The following TLN2 variants were observed in gnomAD, a reference collection of about 807,000 sequenced individuals.
The protein encoded by TLN2 is talin-2.
Under a neutral mutation model 294.7 loss-of-function variants are expected in TLN2, and 118 were observed. The observed-to-expected ratio is 0.40, with a 90% CI of 0.34 to 0.47. The LOEUF is 0.47. Among genes scored for constraint, TLN2 ranks in the 20% least tolerant of loss-of-function variants. TLN2 has a pLI of 0.84. For missense variants in TLN2, 3,083 were observed against 3,282.2 expected (o/e 0.94, Z 1.48); for synonymous variants, 1,431 against 1,304.5 (o/e 1.10, Z -2.09).
At chr15:62,517,468 G>A (rs1489518539) in intron 1 of TLN2, among the ~76,000 whole-genome samples, 3 of 152,252 alleles carry the variant, frequency 2.0e-5, no homozygotes, top group African/African-American at 7.2e-5. Flanking sequence ...TTGCTTGGGG[G>A]CCATGGTGGT....
chr15:62,683,699 A>G (rs916955910), intron 11 of TLN2, among the ~76,000 whole-genome samples: 1 of 152,238 alleles, frequency 6.6e-6, no homozygotes, highest in African/African-American at 2.4e-5. Flanking sequence ...AATCACAGCT[A>G]CAGCTCTTTG....
intron 9 of TLN2, among the ~76,000 whole-genome samples, chr15:62,665,915 G>A (rs1444202959): frequency 6.6e-6 from 1 of 152,160 alleles, no homozygotes; most frequent in Non-Finnish European, 1.5e-5. Flanking sequence ...AGCCACTTGC[G>A]TACTTCCTCC....
chr15:62,520,426 G>A (rs1596000369), intron 1 of TLN2, among the ~76,000 whole-genome samples: 1 of 152,218 alleles, frequency 6.6e-6, no homozygotes, highest in Admixed American at 6.5e-5. Flanking sequence ...ACAGAGCTGA[G>A]TAATGTCTAC....
chr15:62,680,279 T>G (rs940366560), intron 11 of TLN2, among the ~76,000 whole-genome samples: 4 of 152,214 alleles, frequency 2.6e-5, no homozygotes, highest in African/African-American at 9.6e-5. Flanking sequence ...ATTTTTATTC[T>G]GTTAAGTCTT....
intron 37 of TLN2, among the ~76,000 whole-genome samples, chr15:62,759,181 T>C (rs1324196759): frequency 1.3e-5 from 2 of 152,208 alleles, no homozygotes; most frequent in Admixed American, 1.3e-4. Context: ...CAGCTTTGAG[T>C]ATTCAGTTTA....
At chr15:62,580,291 A>G in intron 1 of TLN2, among the ~76,000 whole-genome samples, 1 of 152,174 alleles carries the variant, frequency 6.6e-6, no homozygotes, top group East Asian at 1.9e-4. Context: ...CCCATTACCA[A>G]CATCCCATGC....
At chr15:62,580,448 T>A (rs2044854532) in intron 1 of TLN2, among the ~76,000 whole-genome samples, 1 of 131,064 alleles carries the variant, frequency 7.6e-6, no homozygotes, top group Admixed American at 7.5e-5. Context: ...TCTTGCTCTG[T>A]TGCTCAGGCT....
intron 2 of TLN2, among the ~76,000 whole-genome samples, chr15:62,611,586 G>A (rs1265534384): frequency 6.6e-6 from 1 of 152,192 alleles, no homozygotes; most frequent in Non-Finnish European, 1.5e-5. Context: ...TCCTTTTCCT[G>A]TAGTACCTCT....
chr15:62,538,746 A>G (rs1038075609), intron 1 of TLN2, among the ~76,000 whole-genome samples: 2 of 152,220 alleles, frequency 1.3e-5, no homozygotes, highest in Non-Finnish European at 2.9e-5. Flanking sequence ...AAGGAAGTAT[A>G]TATCCACTTG....
intron 14 of TLN2, 85 bp from the exon 15 acceptor site, chr15:62,697,603 G>C: frequency 1.4e-6 from 2 of 1,449,860 alleles, no homozygotes; most frequent in Non-Finnish European, 9.3e-7. Flanking sequence ...ATAAAGCAGG[G>C]AACATACGTG....
chr15:62,702,666 G>A, intron 18 of TLN2, 100 bp from the exon 19 acceptor site: 1 of 1,198,298 alleles, frequency 8.3e-7, no homozygotes, highest in Non-Finnish European at 1.2e-6. Flanking sequence ...TCAGACAAAG[G>A]GAGCAAATTC....
At chr15:62,585,092 T>C (rs1300870397) in intron 1 of TLN2, among the ~76,000 whole-genome samples, 2 of 152,186 alleles carry the variant, frequency 1.3e-5, no homozygotes, top group Non-Finnish European at 2.9e-5. Flanking sequence ...ACAAATGGGT[T>C]CTTGGCTGCA....
chr15:62,541,714 G>T (rs777547369), intron 1 of TLN2, among the ~76,000 whole-genome samples: 3 of 152,020 alleles, frequency 2.0e-5, no homozygotes, highest in Admixed American at 2.0e-4. Flanking sequence ...GAAATGTTTT[G>T]TGACAATTCA....
In TLN2 at chr15:62,762,267, C is replaced by T. The variant is rs766779077; in HGVS notation, c.4780-5C>T. ...GACTTTGATTTCTCTGCTGTTTGGT[C>T]TCAGGGTTCCCAGGCACAGGAACCA... On this transcript the variant is annotated splice_polypyrimidine_tract_variant and splice_region_variant and intron_variant, in intron 38 of 58. Transcript: ENST00000636159. 1 of 1,614,034 alleles carries T rather than the reference C, an allele frequency of 6.2e-7. No individual in the cohort carries two copies. The highest frequency in any genetic ancestry group is 8.5e-7 in the Non-Finnish European group (1 of 1,179,938).
chr15:62,582,247 C>CACACACACACACA (rs1412650912), intron 1 of TLN2, among the ~76,000 whole-genome samples: 6 of 103,134 alleles, frequency 5.8e-5, no homozygotes, highest in African/African-American at 2.2e-4. Context: ...CACACACACA[C>CACACACACACACA]ATTCATGCCT....
At chr15:62,629,083 G>T (rs1327672651) in intron 3 of TLN2, among the ~76,000 whole-genome samples, 2 of 152,102 alleles carry the variant, frequency 1.3e-5, no homozygotes, top group Non-Finnish European at 2.9e-5. Flanking sequence ...TGTAGTCCCA[G>T]TTACTTGGGA....
intron 34 of TLN2, among the ~76,000 whole-genome samples, chr15:62,751,835 A>G (rs2061956731): frequency 6.6e-6 from 1 of 152,264 alleles, no homozygotes; most frequent in African/African-American, 2.4e-5. Context: ...TTTTCAAAAT[A>G]AGGCAAAATT....
chr15:62,619,828 G>A (rs1256713279), intron 3 of TLN2, among the ~76,000 whole-genome samples: 1 of 152,152 alleles, frequency 6.6e-6, no homozygotes, highest in African/African-American at 2.4e-5. Flanking sequence ...AGCTACGAGA[G>A]AACAAATTCC....
chr15:62,725,101 A>G lies in TLN2; in HGVS notation c.3252A>G (p.Glu1084=), dbSNP rs1255153705. ...GCCAGCTGAAGCCACTTCCAGGGGA[A>G]ACGGTGAGCTGTTAGAGCCAGCTGG... ...VESQLKPLPG[E]TLEKCAQDLG... is the part of the protein sequence containing the mutation. Residue 1084 remains glutamate (E), a synonymous_variant, in exon 27 of 59, where the codon GAA becomes GAG. Transcript: ENST00000636159. 6.2e-7 allele frequency: 1 copy of G among 1,610,854 alleles called. No individual in the cohort carries two copies. Among genetic ancestry groups the G allele is most frequent in the Admixed American group, 1.7e-5 (1 of 59,794 alleles).
Sources: allele counts gnomAD v4.1 joint callset (sites outside exome capture counted in the v4.1 genomes callset), GRCh38; gene constraint gnomAD v4.1.1; transcripts MANE v1.5; gene names NCBI Gene and HGNC (gene_info 2026-07-23, HGNC 2026-07-21).